WBP2: variants seen among roughly 807,000 people sequenced by gnomAD.
WBP2 encodes WW domain-binding protein 2.
WBP2 carries 23 observed loss-of-function variants against 33.0 expected under a neutral mutation model. That is an observed-to-expected ratio of 0.70 (90% CI 0.50 to 0.99). WBP2 has a LOEUF of 0.99. Among genes scored for constraint, WBP2 ranks in the 50% least tolerant of loss-of-function variants. WBP2 has a pLI of 0.00. For synonymous variants in WBP2, 153 were observed against 133.5 expected, an observed-to-expected ratio of 1.15 and a Z score of -1.01; for missense variants, 353 against 358.0, an observed-to-expected ratio of 0.99 and a Z score of 0.11.
intron 1 of WBP2, chr17:75,852,819 G>C (rs2065035781): frequency 3.1e-6 from 3 of 983,284 alleles, no homozygotes; most frequent in Non-Finnish European, 3.6e-6. Flanking sequence ...TGTTTTTCAA[G>C]CCTAAAATAT....
intron 2 of WBP2, 38 bp downstream of exon 2, chr17:75,851,530 A>C (rs1418109101): frequency 6.6e-7 from 1 of 1,517,934 alleles, no homozygotes; most frequent in South Asian, 1.1e-5. Context: ...TCCAACAGCA[A>C]CAAGCCTCTC....
intron 4 of WBP2, 186 bp from the exon 5 acceptor site, chr17:75,848,116 G>A: frequency 1.3e-6 from 1 of 789,092 alleles, no homozygotes; most frequent in Non-Finnish European, 2.0e-6. Context: ...AGAGAGGACG[G>A]GAGAGGTCAG....
chr17:75,847,578 C>T lies in WBP2; in HGVS notation c.564G>A (p.Gly188=), dbSNP rs764727928. Residue 188 remains glycine, a synonymous_variant, in exon 6 of 8, where the codon GGG becomes GGA. Coordinates refer to ENST00000254806, the MANE Select transcript of WBP2 (RefSeq NM_012478.4). ...EFYPGPPMMD[G]AMGYVQPPPP... ...GTGGGGGCTGCACGTATCCCATGGC[C>T]CCGTCCATCATGGGGGGTCCTGGAT... 1.6e-5 allele frequency: 26 copies of T among 1,610,894 alleles called. No individual in the cohort carries two copies. Among genetic ancestry groups the T allele is most frequent in the Non-Finnish European group, 2.2e-5 (26 of 1,178,368 alleles).
In WBP2 at chr17:75,851,625, GTTC is replaced by G. The variant is rs1599424336; in HGVS notation, c.108_110del (p.Lys36del). On this transcript the variant is annotated inframe_deletion, in exon 2 of 8. Transcript: ENST00000254806. ...TGGTCCCTTTGAAGGCTTCTGGCAC[GTTC>G]TTCATGTCATTGAATGTGAGTTCCA... 6.2e-7 allele frequency: 1 copy of G among 1,613,802 alleles called. No individual in the cohort carries two copies. Among genetic ancestry groups the G allele is most frequent in the Non-Finnish European group, 8.5e-7 (1 of 1,179,788 alleles).
intron 1 of WBP2, among the ~76,000 whole-genome samples, chr17:75,853,027 C>T (rs2065036927): frequency 6.6e-6 from 1 of 152,006 alleles, no homozygotes; most frequent in South Asian, 2.1e-4. Flanking sequence ...TGAAGAGTAA[C>T]GTTCACTATT....
In WBP2 at chr17:75,849,615, G is replaced by A. The variant is rs760988068; in HGVS notation, c.293C>T (p.Ala98Val). The A allele has an allele frequency of 4.3e-6, 7 of 1,613,920 alleles. No homozygotes were observed. The highest frequency in any genetic ancestry group is 5.9e-6 in the Non-Finnish European group (7 of 1,179,940). Residue 98 changes from alanine (A) to valine (V), a missense_variant, in exon 3 of 8, where the codon GCG (alanine) becomes GTG (valine). By Grantham distance (64) the Ala-to-Val change is moderately conservative. Coordinates refer to ENST00000254806, the MANE Select transcript of WBP2 (RefSeq NM_012478.4). ...GANYIKGTVK[A>V]EAGGGWEGSA... ...TTCCCATCACCTACCTCCCGCTTCCGCCTTCACTGTTCCCTTGATGTAGTT... is the reference window on the plus strand; with the variant it reads ...TTCCCATCACCTACCTCCCGCTTCCACCTTCACTGTTCCCTTGATGTAGTT...
Position 75,850,441 on chromosome 17 carries a change from T to A in WBP2, c.169-702A>T, listed in dbSNP as rs561337712. On this transcript the variant is annotated intron_variant, in intron 2 of 7. Coordinates refer to ENST00000254806, the MANE Select transcript of WBP2 (RefSeq NM_012478.4). ...TTTGTAGTTTTAGGAGAGATGGGGT[T>A]TCACCGTGTTAGCCAGGATGGTCTC... Among the ~76,000 whole-genome samples, 13 of 152,194 alleles carry A rather than the reference T, an allele frequency of 8.5e-5. No homozygotes were observed. The East Asian group carries it at 2.3e-3, about 27-fold the overall frequency.
rs1358541216 is a variant in WBP2, at chr17:75,848,510, C to T, written c.397+60G>A. Reference sequence around the variant, plus strand: ...AAGCAAAACGAAAAGGAAGCAAACTCATACCAAACCCCTACATGTTTAGTG... The same window carrying T: ...AAGCAAAACGAAAAGGAAGCAAACTTATACCAAACCCCTACATGTTTAGTG... On this transcript the variant is annotated intron_variant, in intron 4 of 7. Coordinates refer to ENST00000254806, the MANE Select transcript of WBP2 (RefSeq NM_012478.4). The T allele has an allele frequency of 3.9e-6, 6 of 1,520,120 alleles. No homozygotes were observed. In the African/African-American group the frequency reaches 8.3e-5, roughly 21 times the overall value. The allele number at this position is 1,520,120 out of a possible 1,614,324, so 94.2% of individuals were successfully genotyped here.
chr17:75,849,765 C>G (rs1314341196), intron 2 of WBP2, 26 bp from the exon 3 acceptor site: 3 of 1,612,866 alleles, frequency 1.9e-6, no homozygotes, highest in Non-Finnish European at 2.5e-6. Context: ...GTGAGGCCAT[C>G]AGTACTAGAA....
At position 75,847,873 on chromosome 17, in the gene WBP2, G is replaced by T. The variant is rs749784833; in HGVS notation, c.455C>A (p.Ala152Asp). 127 of 1,556,026 alleles carry T rather than the reference G, an allele frequency of 8.2e-5. 1 individual carries two copies. In the East Asian group the frequency reaches 3.1e-3, roughly 38 times the overall value. Residue 152 changes from alanine (A) to aspartate (D), a missense_variant, in exon 5 of 8, where the codon GCC becomes GAC. Physicochemically the swap from Ala to Asp is moderately radical, Grantham distance 126 (BLOSUM62 -2). Coordinates refer to ENST00000254806, the MANE Select transcript of WBP2 (RefSeq NM_012478.4). ...GGCGACTGGCGGGGGATAGACATAG[G>T]CCCCGCTGGGCATGTAAGAGTAGCC... ...AYGYSYMPSG[A>D]YVYPPPVANG... is the part of the protein sequence containing the mutation.
chr17:75,851,297 G>C (rs760830969), intron 2 of WBP2: 11 of 328,880 alleles, frequency 3.3e-5, no homozygotes, highest in Non-Finnish European at 5.4e-5. Flanking sequence ...AGTCATGCCA[G>C]CGGCTGCATC....
At chr17:75,848,912 A>G (rs1277648008) in intron 3 of WBP2, 9 of 549,788 alleles carry the variant, frequency 1.6e-5, no homozygotes, top group African/African-American at 1.3e-4. Flanking sequence ...CCTTCCTGGA[A>G]CAAGCCTGTC....
chr17:75,847,630 A>G (rs772392239), intron 5 of WBP2, 21 bp from the exon 6 acceptor site: 3 of 1,612,654 alleles, frequency 1.9e-6, no homozygotes, highest in Admixed American at 1.7e-5. Context: ...AGAGAGTAAC[A>G]AGGACATGGT....
rs1449923849 is a variant in WBP2 at position 75,846,583 on chromosome 17, T to C, written c.*151A>G. On this transcript the variant is annotated 3_prime_UTR_variant, in exon 8 of 8. Coordinates refer to ENST00000254806, the MANE Select transcript of WBP2 (RefSeq NM_012478.4). The surrounding 1 kb of genome is among the most constrained non-coding windows in gnomAD (Gnocchi z 4.8). ...GCACCTCTCCCGAGGCCGGGGGCCC[T>C]AATGTCCCACAATGCTAGTTCCTGG... The C allele has an allele frequency of 9.5e-7, 1 of 1,056,510 alleles. No individual in the cohort carries two copies. The allele number at this position is 1,056,510 out of a possible 1,614,324, so 65.4% of individuals were successfully genotyped here.
chr17:75,850,616 T>C (rs1204159074), intron 2 of WBP2, among the ~76,000 whole-genome samples: 3 of 151,858 alleles, frequency 2.0e-5, no homozygotes, highest in African/African-American at 7.3e-5. Context: ...AGAGATGGGG[T>C]TTTGAGACTC....
chr17:75,852,590 G>T lies in WBP2; in HGVS notation c.60-914C>A, dbSNP rs559913444. ...CCTGCCTCAGTCTCCCAAGTAGCTG[G>T]GACTACAGGCGCCCGCCACCACGAC... On this transcript the variant is annotated intron_variant, in intron 1 of 7. Coordinates refer to ENST00000254806, the MANE Select transcript of WBP2 (RefSeq NM_012478.4). 4.2e-3 allele frequency: 652 copies of T among 154,470 alleles called. 6 individuals are homozygous for T. The highest frequency in any genetic ancestry group is 6.9e-3 in the Non-Finnish European group (486 of 70,256). 9.6% of individuals were successfully genotyped at this position (154,470 alleles called of 1,614,324 possible). A position where few individuals can be genotyped will look rare whatever the true frequency, so the allele number is the denominator to read the frequency against.
chr17:75,854,316 A>G (rs145287358), intron 1 of WBP2, among the ~76,000 whole-genome samples: 186 of 152,268 alleles, frequency 1.2e-3, no homozygotes, highest in Non-Finnish European at 2.0e-3. Context: ...TTCTGCCTTC[A>G]AGAGGCAATT....
chr17:75,848,511 A>T, intron 4 of WBP2, 59 bp downstream of exon 4: 1 of 1,529,390 alleles, frequency 6.5e-7, no homozygotes. Flanking sequence ...AAGCAAACTC[A>T]TACCAAACCC....
In WBP2 at chr17:75,851,799, C is replaced by T. The variant is rs7220826; in HGVS notation, c.60-123G>A. 3,919 of 717,198 alleles carry T rather than the reference C, an allele frequency of 5.5e-3. 107 individuals carry two copies. The African/African-American group carries it at 0.058, about 11-fold the overall frequency. 44.4% of individuals were successfully genotyped at this position (717,198 alleles called of 1,614,324 possible). ...CAGCTCTCATAACCTCTCAATAGTG[C>T]GGCATTAAAACTATTCATAGGGCTG... On this transcript the variant is annotated intron_variant, in intron 1 of 7. Coordinates refer to ENST00000254806, the MANE Select transcript of WBP2 (RefSeq NM_012478.4).
Sources: gnomAD v4.1 joint callset for allele counts (sites outside exome capture counted in the v4.1 genomes callset) on GRCh38, gnomAD v4.1.1 for gene constraint, Gnocchi (gnomAD v3.1) non-coding constraint, MANE v1.5 for transcripts, NCBI Gene and HGNC (gene_info 2026-07-23, HGNC 2026-07-21) for gene names.